The following LRBA variants were observed in gnomAD, a reference collection of about 807,000 sequenced individuals.
LRBA encodes LPS responsive beige-like anchor protein.
In LRBA, 176 loss-of-function variants were observed where a neutral mutation model predicts 330.0. That is an observed-to-expected ratio of 0.53 (90% CI 0.47 to 0.60). LRBA has a LOEUF of 0.60. Among genes scored for constraint, LRBA ranks in the 20% least tolerant of loss-of-function variants. The probability of loss-of-function intolerance (pLI) is 0.00; values close to 1 mark genes in which losing one functional copy is unlikely to be tolerated. For synonymous variants in LRBA, 1,230 were observed against 1,193.0 expected (o/e 1.03, Z -0.64); for missense variants, 3,259 against 3,444.8 (o/e 0.95, Z 1.35).
At chr4:150,345,398 G>T (rs1038983775) in intron 48 of LRBA, among the ~76,000 whole-genome samples, 10 of 152,154 alleles carry the variant, frequency 6.6e-5, no homozygotes, top group African/African-American at 1.2e-4. Flanking sequence ...CTAGGAAATG[G>T]TCTCTGATAA....
chr4:150,577,951 G>A (rs1770751571), intron 40 of LRBA, among the ~76,000 whole-genome samples: 1 of 152,190 alleles, frequency 6.6e-6, no homozygotes, highest in East Asian at 1.9e-4. Context: ...ATGAACTACT[G>A]CATCATTTCT....
intron 40 of LRBA, among the ~76,000 whole-genome samples, chr4:150,551,924 T>G (rs1446039606): frequency 7.9e-5 from 12 of 152,126 alleles, no homozygotes; most frequent in Admixed American, 7.9e-4. Context: ...ACTGATTTCG[T>G]GGAAGACAAT....
At chr4:150,472,192 A>T (rs942250581) in intron 42 of LRBA, among the ~76,000 whole-genome samples, 1 of 151,908 alleles carries the variant, frequency 6.6e-6, no homozygotes, top group Non-Finnish European at 1.5e-5. Flanking sequence ...GAGAAGGGAG[A>T]CTCTAAACTA....
chr4:150,992,381 G>C (rs911891069), intron 2 of LRBA, among the ~76,000 whole-genome samples: 3 of 151,662 alleles, frequency 2.0e-5, no homozygotes, highest in Non-Finnish European at 2.9e-5. Context: ...CAAGCAGAGA[G>C]AACAGTTGAG....
chr4:150,701,246 T>C lies in LRBA; in HGVS notation c.5755-17529A>G, dbSNP rs144923752. 3.5e-3 allele frequency among the ~76,000 whole-genome samples: 532 copies of C among 152,268 alleles called. 2 individuals carry two copies. Among genetic ancestry groups the C allele is most frequent in the African/African-American group, 0.012 (506 of 41,550 alleles). ...GAGCTCTCATCTCCTATGATGACAA[T>C]GCCTTCTTCTGGAATACCTCTTGAA... On this transcript the variant is annotated intron_variant, in intron 36 of 56. Transcript: ENST00000651943.
chr4:150,750,537 C>G (rs1226226464), intron 35 of LRBA, among the ~76,000 whole-genome samples: 1 of 152,022 alleles, frequency 6.6e-6, no homozygotes, highest in Non-Finnish European at 1.5e-5. Flanking sequence ...GCTATGTTGT[C>G]CAGGCTGGTC....
At chr4:150,609,505 A>G in intron 37 of LRBA, among the ~76,000 whole-genome samples, 1 of 152,196 alleles carries the variant, frequency 6.6e-6, no homozygotes, top group East Asian at 1.9e-4. Flanking sequence ...ACATATCTGT[A>G]CTTCTTATAA....
intron 2 of LRBA, among the ~76,000 whole-genome samples, chr4:150,933,621 A>G (rs1056119497): frequency 1.3e-5 from 2 of 152,336 alleles, no homozygotes; most frequent in African/African-American, 4.8e-5. Context: ...TCTATTGCAT[A>G]GAAGGCAAAA....
intron 35 of LRBA, among the ~76,000 whole-genome samples, chr4:150,756,332 G>C (rs1039878959): frequency 6.6e-6 from 1 of 152,106 alleles, no homozygotes; most frequent in African/African-American, 2.4e-5. Context: ...AAGAAGAAAG[G>C]AGGCAACCTA....
intron 37 of LRBA, among the ~76,000 whole-genome samples, chr4:150,639,815 GTGTGTATATATATA>G (rs1561457955): frequency 0.011 from 56 of 4,894 alleles, 8 homozygotes; most frequent in African/African-American, 0.023. Flanking sequence ...ATGTGTGTGT[GTGTGTATATATATA>G]TATATATATA....
intron 22 of LRBA, among the ~76,000 whole-genome samples, chr4:150,860,745 G>A (rs540274443): frequency 4.6e-5 from 7 of 152,016 alleles, no homozygotes; most frequent in East Asian, 1.9e-4. Flanking sequence ...GAAGAATGGC[G>A]TGAACCCAGG....
intron 41 of LRBA, among the ~76,000 whole-genome samples, chr4:150,489,177 G>A (rs139398398): frequency 3.8e-4 from 7 of 18,424 alleles, no homozygotes; most frequent in East Asian, 8.9e-4. Context: ...TTATATATAA[G>A]TATATAATAT....
At chr4:150,669,669 G>A (rs895225185) in intron 37 of LRBA, among the ~76,000 whole-genome samples, 2 of 151,584 alleles carry the variant, frequency 1.3e-5, no homozygotes, top group African/African-American at 4.9e-5. Flanking sequence ...GGGTTCAAGC[G>A]ATTCTCCTGC....
intron 36 of LRBA, among the ~76,000 whole-genome samples, chr4:150,715,927 C>A (rs1582130157): frequency 6.6e-6 from 1 of 152,138 alleles, no homozygotes; most frequent in South Asian, 2.1e-4. Flanking sequence ...TAGTGACAAA[C>A]ACAACTACAT....
intron 33 of LRBA, among the ~76,000 whole-genome samples, chr4:150,805,490 A>AAGGAAAGGAGAAGG (rs1742567695): frequency 7.6e-6 from 1 of 131,948 alleles, no homozygotes; most frequent in Non-Finnish European, 1.6e-5. Flanking sequence ...AAGGAAAGGA[A>AAGGAAAGGAGAAGG]AGGAGAAGGA....
chr4:150,802,030 TA>T (rs1198700319), intron 33 of LRBA, among the ~76,000 whole-genome samples: 1 of 113,332 alleles, frequency 8.8e-6, no homozygotes, highest in African/African-American at 3.0e-5. Flanking sequence ...AATAAATAAA[TA>T]AATAAATAAA....
chr4:150,453,894 A>C (rs1753701458), intron 44 of LRBA, among the ~76,000 whole-genome samples: 1 of 152,158 alleles, frequency 6.6e-6, no homozygotes, highest in South Asian at 2.1e-4. Flanking sequence ...TAAATGTAAG[A>C]ATTCATAATA....
chr4:150,915,561 T>C (rs368891586), intron 8 of LRBA, 47 bp downstream of exon 8: 272 of 1,548,584 alleles, frequency 1.8e-4, no homozygotes, highest in Middle Eastern at 5.2e-4. Flanking sequence ...AAAAAGCTCA[T>C]GCTTTTAAAA....
At chr4:150,639,736 AATATATATATAT>A (rs1212252752) in intron 37 of LRBA, among the ~76,000 whole-genome samples, 2 of 51,156 alleles carry the variant, frequency 3.9e-5, no homozygotes, top group African/African-American at 1.7e-4. Context: ...CTATGCCCCA[AATATATATATAT>A]ATATATATAT....
Sources: allele counts gnomAD v4.1 joint callset (sites outside exome capture counted in the v4.1 genomes callset), GRCh38; gene constraint gnomAD v4.1.1; transcripts MANE v1.5; gene names NCBI Gene and HGNC (gene_info 2026-07-23, HGNC 2026-07-21).